The following SIPA1L3 variants were observed in gnomAD, a reference collection of about 807,000 sequenced individuals.
SIPA1L3 encodes the protein signal-induced proliferation-associated 1-like protein 3.
Under a neutral mutation model 150.1 loss-of-function variants are expected in SIPA1L3, and 59 were observed. That is an observed-to-expected ratio of 0.39 (90% confidence interval 0.32 to 0.49). SIPA1L3 has a LOEUF of 0.49. SIPA1L3 is among the 20% of genes least tolerant of loss of function. The probability of loss-of-function intolerance (pLI) is 0.86; values close to 1 mark genes in which losing one functional copy is unlikely to be tolerated. For missense variants in SIPA1L3, 2,211 were observed against 2,489.5 expected, an observed-to-expected ratio of 0.89 and a Z score of 2.38; for synonymous variants, 1,070 against 1,077.6, an observed-to-expected ratio of 0.99 and a Z score of 0.14.
At chr19:38,184,569 G>A (rs575449973) in intron 16 of SIPA1L3, 2 of 152,418 alleles carry the variant, frequency 1.3e-5, no homozygotes, top group East Asian at 3.9e-4. Context: ...CAGGAAGCCT[G>A]GGTCAAGGCT....
At chr19:38,078,781 C>T (rs145741964) in intron 2 of SIPA1L3, among the ~76,000 whole-genome samples, 46 of 152,264 alleles carry the variant, frequency 3.0e-4, no homozygotes, top group Non-Finnish European at 6.5e-4. Context: ...AAATCAGTTC[C>T]GTTGGCAGGA....
At chr19:38,056,774 T>C (rs1159858029) in intron 2 of SIPA1L3, among the ~76,000 whole-genome samples, 1 of 152,150 alleles carries the variant, frequency 6.6e-6, no homozygotes, top group Non-Finnish European at 1.5e-5. Flanking sequence ...TGAAAAAATA[T>C]GGAAAGGGGC....
intron 2 of SIPA1L3, among the ~76,000 whole-genome samples, chr19:38,033,128 C>T (rs1968689865): frequency 6.6e-6 from 1 of 152,214 alleles, no homozygotes; most frequent in African/African-American, 2.4e-5. Flanking sequence ...AATGTGTTCC[C>T]TCTCCAAGGG....
At chr19:38,064,833 A>G (rs1177663660) in intron 2 of SIPA1L3, among the ~76,000 whole-genome samples, 1 of 152,204 alleles carries the variant, frequency 6.6e-6, no homozygotes, top group African/African-American at 2.4e-5. Flanking sequence ...CATTTTACAG[A>G]TGGGAAAACT....
At chr19:38,110,594 G>T (rs1300331917) in intron 8 of SIPA1L3, among the ~76,000 whole-genome samples, 1 of 152,158 alleles carries the variant, frequency 6.6e-6, no homozygotes, top group Non-Finnish European at 1.5e-5. Context: ...TCAGGGATTT[G>T]TATTTGCTTG....
chr19:38,053,906 T>C (rs745544638), intron 2 of SIPA1L3, among the ~76,000 whole-genome samples: 57 of 151,682 alleles, frequency 3.8e-4, no homozygotes, highest in Non-Finnish European at 5.9e-4. Context: ...AAAGTAATTG[T>C]GGTTTTTGCC....
At chr19:38,063,274 C>T (rs1969494535) in intron 2 of SIPA1L3, among the ~76,000 whole-genome samples, 1 of 152,150 alleles carries the variant, frequency 6.6e-6, no homozygotes, top group Non-Finnish European at 1.5e-5. Flanking sequence ...CCCCCGCCGG[C>T]CCCCAGCTCC....
chr19:38,015,721 T>TAAAA (rs59452393), intron 1 of SIPA1L3, among the ~76,000 whole-genome samples: 14 of 102,166 alleles, frequency 1.4e-4, no homozygotes, highest in African/African-American at 2.3e-4. Flanking sequence ...AAGATCCTGT[T>TAAAA]AAAAAAAAAA....
At chr19:38,202,377 C>T (rs1973106734) in intron 20 of SIPA1L3, among the ~76,000 whole-genome samples, 1 of 152,162 alleles carries the variant, frequency 6.6e-6, no homozygotes, top group African/African-American at 2.4e-5. Flanking sequence ...CACTTGAGGT[C>T]AGGAGTTCAA....
At chr19:37,946,429 G>A (rs1364040248) in intron 1 of SIPA1L3, among the ~76,000 whole-genome samples, 1 of 152,106 alleles carries the variant, frequency 6.6e-6, no homozygotes, top group African/African-American at 2.4e-5. Flanking sequence ...CACCATCCAT[G>A]GCCCAGAATG....
At chr19:38,111,926 T>C (rs1358033256) in intron 8 of SIPA1L3, among the ~76,000 whole-genome samples, 1 of 150,418 alleles carries the variant, frequency 6.6e-6, no homozygotes, top group Non-Finnish European at 1.5e-5. Context: ...CACGCATCCG[T>C]GCACACATGC....
Position 38,119,496 on chromosome 19 carries a change from C to G in SIPA1L3, c.2482C>G (p.Leu828Val), listed in dbSNP as rs1234682115. The G allele has an allele frequency of 1.9e-6, 3 of 1,614,184 alleles. No individual in the cohort carries two copies. Among genetic ancestry groups the G allele is most frequent in the Non-Finnish European group, 2.5e-6 (3 of 1,180,036 alleles). ...GACCCGCCAGGAGTATCTCAAGGACCTGGCCGAAAACTGTGTCTCCAACAC... is the reference window on the plus strand; with the variant it reads ...GACCCGCCAGGAGTATCTCAAGGACGTGGCCGAAAACTGTGTCTCCAACAC... ...TRTRQEYLKD[L>V]AENCVSNTPI... Residue 828 changes from leucine (L) to valine (V), a missense_variant, in exon 9 of 22, where the codon CTG becomes GTG. Leu to Val is a conservative substitution (Grantham distance 32). Around this residue, in one of 5 missense-constraint regions of SIPA1L3, gnomAD observed 625 missense variants for 804.2 expected, o/e 0.78. Transcript: ENST00000222345.
At chr19:38,027,651 GT>G in intron 1 of SIPA1L3, among the ~76,000 whole-genome samples, 1 of 152,034 alleles carries the variant, frequency 6.6e-6, no homozygotes, top group Admixed American at 6.6e-5. Flanking sequence ...CTGGGACCAG[GT>G]TGCTGGGTTC....
At position 38,182,745 on chromosome 19, in the gene SIPA1L3, G is replaced by A. The variant is rs770069706; in HGVS notation, c.4430+5G>A. ...CCCCTTCAGTGACCCAAAGAAGTAAGTGCCTGGACGTCCAGCGAGGCGCCC... is the reference window on the plus strand; with the variant it reads ...CCCCTTCAGTGACCCAAAGAAGTAAATGCCTGGACGTCCAGCGAGGCGCCC... On this transcript the variant is annotated splice_donor_5th_base_variant and intron_variant, in intron 16 of 21. Transcript: ENST00000222345. The A allele has an allele frequency of 3.7e-6, 6 of 1,605,482 alleles. No individual in the cohort carries two copies. Among genetic ancestry groups the A allele is most frequent in the Non-Finnish European group, 5.1e-6 (6 of 1,175,632 alleles).
intron 2 of SIPA1L3, among the ~76,000 whole-genome samples, chr19:38,040,825 A>G (rs1053950724): frequency 1.3e-5 from 2 of 152,280 alleles, no homozygotes; most frequent in South Asian, 2.1e-4. Flanking sequence ...CAGTGGCTCA[A>G]TCTCCGCTCA....
chr19:38,089,974 C>T (rs900983928), intron 4 of SIPA1L3, among the ~76,000 whole-genome samples: 1 of 152,138 alleles, frequency 6.6e-6, no homozygotes, highest in Non-Finnish European at 1.5e-5. Context: ...CAAGCTCTCA[C>T]CATGTCATGG....
intron 2 of SIPA1L3, among the ~76,000 whole-genome samples, chr19:38,080,260 A>G (rs1969945129): frequency 6.6e-6 from 1 of 152,168 alleles, no homozygotes; most frequent in Admixed American, 6.6e-5. Context: ...GAGCTGAGCA[A>G]ACAACAGAGC....
intron 15 of SIPA1L3, among the ~76,000 whole-genome samples, chr19:38,178,090 T>TGG (rs1263210611): frequency 5.1e-3 from 78 of 15,252 alleles, no homozygotes; most frequent in African/African-American, 0.015. Context: ...GCTTTTGGTG[T>TGG]GTGTGTGTGT....
At chr19:38,124,215 G>C (rs930543600) in intron 9 of SIPA1L3, among the ~76,000 whole-genome samples, 3 of 151,308 alleles carry the variant, frequency 2.0e-5, no homozygotes, top group African/African-American at 7.3e-5. Context: ...CGGGGCAGCT[G>C]CCGGGCGGAG....
Sources: allele counts gnomAD v4.1 joint callset (sites outside exome capture counted in the v4.1 genomes callset), GRCh38; gene constraint gnomAD v4.1.1; regional missense constraint gnomAD v4.1.1; transcripts MANE v1.5; gene names NCBI Gene and HGNC (gene_info 2026-07-23, HGNC 2026-07-21).